Variants in HECW2 observed in about 807,000 individuals in gnomAD.
The protein encoded by HECW2 is HECT, C2 and WW domain containing E3 ubiquitin protein ligase 2.
HECW2 carries 61 observed loss-of-function variants against 175.2 expected under a neutral mutation model. The observed-to-expected ratio is 0.35, with a 90% CI of 0.28 to 0.43. The LOEUF is 0.43. Among genes scored for constraint, HECW2 ranks in the 20% least tolerant of loss-of-function variants. HECW2 has a pLI of 1.00. For synonymous variants in HECW2, 671 were observed against 731.0 expected, an observed-to-expected ratio of 0.92 and a Z score of 1.32; for missense variants, 1,524 against 2,000.5, an observed-to-expected ratio of 0.76 and a Z score of 4.54.
At chr2:196,485,692 C>T (rs1006355251) in intron 1 of HECW2, among the ~76,000 whole-genome samples, 5 of 151,986 alleles carry the variant, frequency 3.3e-5, no homozygotes, top group Non-Finnish European at 5.9e-5. Context: ...CCGAGGAAGG[C>T]GTGTTTAGGA....
intron 2 of HECW2, among the ~76,000 whole-genome samples, chr2:196,410,394 G>C (rs1476010837): frequency 6.6e-6 from 1 of 152,092 alleles, no homozygotes; most frequent in East Asian, 1.9e-4. Context: ...AGAGAGAGCA[G>C]AACTTAAAAA....
chr2:196,271,292 G>GAA lies in HECW2; in HGVS notation c.3239-5_3239-4dup. On this transcript the variant is annotated splice_region_variant and splice_polypyrimidine_tract_variant and intron_variant, in intron 16 of 28. Coordinates refer to ENST00000644978, the MANE Select transcript of HECW2 (RefSeq NM_001348768.2). ...TGCAACAATCTTGTCATTGTAAGCT[G>GAA]AAAAAAAAATCAGAAAAGACAACAA... The GAA allele has an allele frequency of 6.4e-7, 1 of 1,555,972 alleles. No homozygotes were observed. The highest frequency in any genetic ancestry group is 8.8e-7 in the Non-Finnish European group (1 of 1,134,990).
chr2:196,578,368 C>A (rs1225968888), intron 1 of HECW2, among the ~76,000 whole-genome samples: 1 of 152,064 alleles, frequency 6.6e-6, no homozygotes, highest in Non-Finnish European at 1.5e-5. Context: ...CTTCAGAAAC[C>A]TGTGAAACAC....
At chr2:196,323,064 T>C (rs77902200) in intron 6 of HECW2, among the ~76,000 whole-genome samples, 1 of 152,224 alleles carries the variant, frequency 6.6e-6, no homozygotes, top group African/African-American at 2.4e-5. Context: ...CAAAACATAG[T>C]TGAAAATACT....
At chr2:196,502,125 T>C (rs1051668016) in intron 1 of HECW2, among the ~76,000 whole-genome samples, 1 of 152,190 alleles carries the variant, frequency 6.6e-6, no homozygotes, top group African/African-American at 2.4e-5. Flanking sequence ...GGTATTTATA[T>C]GAAAAAATTG....
chr2:196,259,823 AATG>A (rs575907006), intron 17 of HECW2, among the ~76,000 whole-genome samples: 218 of 152,326 alleles, frequency 1.4e-3, no homozygotes, highest in African/African-American at 5.0e-3. Flanking sequence ...CTTGAAGAAA[AATG>A]AATAATAACT....
At chr2:196,265,322 T>C (rs1487832595) in intron 17 of HECW2, among the ~76,000 whole-genome samples, 1 of 152,118 alleles carries the variant, frequency 6.6e-6, no homozygotes, top group Non-Finnish European at 1.5e-5. Flanking sequence ...CCATCTCTAC[T>C]GAAAATACAA....
chr2:196,208,691 T>C (rs1020517674), intron 28 of HECW2, among the ~76,000 whole-genome samples: 3 of 152,202 alleles, frequency 2.0e-5, no homozygotes, highest in Non-Finnish European at 4.4e-5. Context: ...ATAAGTGTTA[T>C]AGGCAGCAAT....
chr2:196,235,648 CTTTTTT>C (rs757874073), intron 21 of HECW2, among the ~76,000 whole-genome samples: 3 of 78,898 alleles, frequency 3.8e-5, no homozygotes, highest in East Asian at 9.9e-4. Context: ...ATGCATTATT[CTTTTTT>C]TTTTTTTTTT....
chr2:196,337,827 G>C (rs1692608741), intron 3 of HECW2, among the ~76,000 whole-genome samples: 1 of 152,138 alleles, frequency 6.6e-6, no homozygotes, highest in African/African-American at 2.4e-5. Context: ...TCAGGAGGAA[G>C]AGAACAGAGG....
Position 196,319,021 on chromosome 2 carries a change from C to T in HECW2, c.1869G>A (p.Glu623=), listed in dbSNP as rs187494430. 2.4e-4 allele frequency: 383 copies of T among 1,613,996 alleles called. No individual in the cohort carries two copies. Among genetic ancestry groups the T allele is most frequent in the Non-Finnish European group, 3.1e-4 (363 of 1,179,954 alleles). Residue 623 remains glutamate (E), a synonymous_variant, in exon 9 of 29, where the codon GAG becomes GAA. Coordinates refer to ENST00000644978, the MANE Select transcript of HECW2 (RefSeq NM_001348768.2). ...ETEPSDPART[E]SVSEASTRPE... ...GCCTGGTGCTGGCTTCGCTCACACT[C>T]TCTGTCCTGGCAGGATCACTGGGTT...
rs538790121 is a variant in HECW2 at position 196,511,758 on chromosome 2, G to A, written c.-35-78300C>T. 1.3e-3 allele frequency among the ~76,000 whole-genome samples: 203 copies of A among 152,248 alleles called. 1 individual carries two copies. The highest frequency in any genetic ancestry group is 2.7e-3 in the South Asian group (13 of 4,812). ...GTGATCCAAAGGGCAGAGTCTTAAG[G>A]GGCAGGCAAACAATCAAGGTTGATA... On this transcript the variant is annotated intron_variant, in intron 1 of 28. Transcript: ENST00000644978.
rs144181608 is a variant in HECW2 at position 196,358,585 on chromosome 2, C to CAAAAAAAAA, written c.293-14830_293-14822dup. Among the ~76,000 whole-genome samples, 14 of 67,354 alleles carry CAAAAAAAAA rather than the reference C, an allele frequency of 2.1e-4. 2 individuals carry two copies. Among genetic ancestry groups the CAAAAAAAAA allele is most frequent in the African/African-American group, 8.2e-4 (13 of 15,834 alleles). 44.2% of individuals were successfully genotyped at this position (67,354 alleles called of 152,430 possible). Reference sequence around the variant, plus strand: ...TGGGAGACAGAGCAAGACTCTGTCTCAAAAAAAAAAAAAAAAAAAAAAAAA... The same window carrying CAAAAAAAAA: ...TGGGAGACAGAGCAAGACTCTGTCTCAAAAAAAAAAAAAAAAAAAAAAAAAAAAAAAAAA... On this transcript the variant is annotated intron_variant, in intron 2 of 28. Transcript: ENST00000644978.
At chr2:196,591,254 C>T (rs905199244) in intron 1 of HECW2, among the ~76,000 whole-genome samples, 3 of 152,140 alleles carry the variant, frequency 2.0e-5, no homozygotes, top group Non-Finnish European at 4.4e-5. Context: ...TCAGAGTCTG[C>T]GGCCAAATGG....
At chr2:196,395,702 T>C (rs1196985479) in intron 2 of HECW2, among the ~76,000 whole-genome samples, 2 of 8,956 alleles carry the variant, frequency 2.2e-4, no homozygotes, top group Admixed American at 1.8e-3. Context: ...AGGATGACTA[T>C]GTTTTTTTTT....
rs1034417031 is a variant in HECW2 at position 196,320,429 on chromosome 2, G to A, written c.895C>T (p.Leu299Phe). The A allele has an allele frequency of 1.9e-6, 3 of 1,609,522 alleles. No homozygotes were observed. The highest frequency in any genetic ancestry group is 1.7e-6 in the Non-Finnish European group (2 of 1,176,188). Residue 299 changes from leucine to phenylalanine, a missense_variant, in exon 8 of 29, where the codon CTC (leucine) becomes TTC (phenylalanine). Around this residue, in one of 11 missense-constraint regions of HECW2, gnomAD observed 95 missense variants for 136.8 expected, o/e 0.69. Coordinates refer to ENST00000644978, the MANE Select transcript of HECW2 (RefSeq NM_001348768.2). ...LERQAIGDQM[L>F]SYNLGRRLPA... The stretch of plus-strand genomic sequence containing the variant: ...AGCCTTCTGCCAAGGTTGTAGCTGA[G>A]CATTTGATCACTGCAAGAAGAGAAA...
intron 2 of HECW2, among the ~76,000 whole-genome samples, chr2:196,381,527 C>T (rs1694207075): frequency 6.6e-6 from 1 of 152,100 alleles, no homozygotes; most frequent in Admixed American, 6.5e-5. Context: ...AAGCAGGTTC[C>T]AGTCTATTAA....
chr2:196,307,531 C>T (rs912976665), intron 11 of HECW2, among the ~76,000 whole-genome samples: 3 of 152,116 alleles, frequency 2.0e-5, no homozygotes, highest in African/African-American at 7.2e-5. Flanking sequence ...TTATGTTCCA[C>T]AGCAATTAAT....
chr2:196,549,311 CAGG>C (rs1316565851), intron 1 of HECW2, among the ~76,000 whole-genome samples: 1 of 152,200 alleles, frequency 6.6e-6, no homozygotes, highest in African/African-American at 2.4e-5. Flanking sequence ...CTCCCTCCTC[CAGG>C]AGGTCTCACT....
Sources: allele counts gnomAD v4.1 joint callset (sites outside exome capture counted in the v4.1 genomes callset), GRCh38; gene constraint gnomAD v4.1.1; regional missense constraint gnomAD v4.1.1; transcripts MANE v1.5; gene names NCBI Gene and HGNC (gene_info 2026-07-23, HGNC 2026-07-21).